The following FAM20B variants were observed in gnomAD, a reference collection of about 807,000 sequenced individuals.
FAM20B encodes the protein FAM20B glycosaminoglycan xylosylkinase, also known as glycosaminoglycan xylosylkinase.
FAM20B carries 23 observed loss-of-function variants against 43.8 expected under a neutral mutation model. The ratio of observed to expected loss-of-function variants is 0.53; its 90% confidence interval spans 0.38 to 0.74. The LOEUF (loss-of-function observed/expected upper bound fraction) is 0.74, where lower values mean the gene tolerates loss of function less well. FAM20B is among the 30% of genes least tolerant of loss of function. FAM20B has a pLI of 0.00. For missense variants in FAM20B, 440 were observed against 510.5 expected, an observed-to-expected ratio of 0.86 and a Z score of 1.33; for synonymous variants, 178 against 192.4, an observed-to-expected ratio of 0.93 and a Z score of 0.62.
At chr1:179,034,909 C>T (rs999138576) in intron 1 of FAM20B, among the ~76,000 whole-genome samples, 1 of 152,192 alleles carries the variant, frequency 6.6e-6, no homozygotes, top group South Asian at 2.1e-4. Flanking sequence ...ATTAGAAACA[C>T]AAGAAGTGAA....
intron 1 of FAM20B, among the ~76,000 whole-genome samples, chr1:179,027,958 C>A (rs61247515): frequency 0.014 from 2,177 of 152,108 alleles, 70 homozygotes; most frequent in African/African-American, 0.05. Flanking sequence ...ACTTTTAGTT[C>A]ATTCCCTTGA....
intron 2 of FAM20B, among the ~76,000 whole-genome samples, chr1:179,049,245 C>G (rs1398948895): frequency 6.6e-6 from 1 of 152,088 alleles, no homozygotes; most frequent in Non-Finnish European, 1.5e-5. Flanking sequence ...TAGAAATTAC[C>G]TCCTAGTCCA....
At chr1:179,034,126 C>T (rs990788417) in intron 1 of FAM20B, among the ~76,000 whole-genome samples, 1 of 152,210 alleles carries the variant, frequency 6.6e-6, no homozygotes, top group African/African-American at 2.4e-5. Flanking sequence ...GTGTCATCTT[C>T]ATGTCTGGCA....
At chr1:179,058,100 A>C (rs1006478026) in intron 4 of FAM20B, among the ~76,000 whole-genome samples, 1 of 152,248 alleles carries the variant, frequency 6.6e-6, no homozygotes, top group Admixed American at 6.5e-5. Context: ...ATAATATTGA[A>C]GTATAATTTC....
At chr1:179,020,964 G>A (rs79461237), upstream of FAM20B, among the ~76,000 whole-genome samples, 3,607 of 152,298 alleles carry the variant, frequency 0.024, 98 homozygotes, top group East Asian at 0.073. Flanking sequence ...ACAGCTACTC[G>A]GGAGGCTGAG....
intron 3 of FAM20B, among the ~76,000 whole-genome samples, chr1:179,053,166 A>G (rs532790328): frequency 9.2e-5 from 14 of 152,302 alleles, no homozygotes; most frequent in Non-Finnish European, 1.9e-4. Flanking sequence ...TTCTCTTGCC[A>G]GTCGCCCTGT....
chr1:179,039,961 CT>C (rs1650413933), intron 1 of FAM20B, among the ~76,000 whole-genome samples: 2 of 152,162 alleles, frequency 1.3e-5, no homozygotes, highest in Admixed American at 6.5e-5. Flanking sequence ...CTTCAAACAT[CT>C]GTTTAACAAA....
At chr1:179,063,877 G>T in intron 4 of FAM20B, 50 bp from the exon 5 acceptor site, 1 of 1,366,546 alleles carries the variant, frequency 7.3e-7, no homozygotes, top group Non-Finnish European at 1.0e-6. Flanking sequence ...GAGAGAACTT[G>T]GAGTCTTCGT....
intron 1 of FAM20B, among the ~76,000 whole-genome samples, chr1:179,036,055 A>G (rs1453850241): frequency 1.3e-5 from 2 of 152,152 alleles, no homozygotes; most frequent in African/African-American, 4.8e-5. Flanking sequence ...GCTTGAATCC[A>G]GGAGTTGGAG....
chr1:179,047,204 G>T (rs969097754), intron 2 of FAM20B, among the ~76,000 whole-genome samples: 2 of 152,158 alleles, frequency 1.3e-5, no homozygotes, highest in African/African-American at 4.8e-5. Flanking sequence ...GGTAGTAACA[G>T]ATAATGCATA....
intron 1 of FAM20B, among the ~76,000 whole-genome samples, chr1:179,040,041 G>A (rs1419893972): frequency 6.6e-6 from 1 of 152,182 alleles, no homozygotes; most frequent in African/African-American, 2.4e-5. Context: ...GAGAGCACAG[G>A]GATGGGGGCA....
intron 3 of FAM20B, among the ~76,000 whole-genome samples, chr1:179,053,353 T>G (rs1319652110): frequency 6.6e-6 from 1 of 152,116 alleles, no homozygotes; most frequent in Non-Finnish European, 1.5e-5. Flanking sequence ...AGAGGATCAC[T>G]TGAGCCCAGG....
intron 1 of FAM20B, among the ~76,000 whole-genome samples, chr1:179,042,190 A>G (rs1054222480): frequency 3.9e-5 from 6 of 152,166 alleles, no homozygotes; most frequent in Non-Finnish European, 5.9e-5. Flanking sequence ...AGCTCGTACT[A>G]CTGGCCTGGA....
chr1:179,051,973 GAAAA>G (rs749142980), intron 3 of FAM20B, among the ~76,000 whole-genome samples: 2 of 148,862 alleles, frequency 1.3e-5, no homozygotes, highest in East Asian at 2.0e-4. Context: ...AAGGAAACCA[GAAAA>G]AAAAAGGTGA....
intron 4 of FAM20B, among the ~76,000 whole-genome samples, chr1:179,056,680 T>C (rs1483421946): frequency 1.3e-5 from 2 of 152,244 alleles, no homozygotes; most frequent in African/African-American, 2.4e-5. Flanking sequence ...CTGGATCATA[T>C]AGTAAGAGTA....
upstream of FAM20B, among the ~76,000 whole-genome samples, chr1:179,025,390 G>A (rs907905639): frequency 6.6e-6 from 1 of 152,224 alleles, no homozygotes; most frequent in African/African-American, 2.4e-5. Flanking sequence ...GGAAAGGCTA[G>A]CCTTTTTCTG....
upstream of FAM20B, among the ~76,000 whole-genome samples, chr1:179,023,300 G>A (rs1649635577): frequency 6.6e-6 from 1 of 152,204 alleles, no homozygotes; most frequent in African/African-American, 2.4e-5. Context: ...ATGTGGAGAA[G>A]GTACTTCGTA....
At chr1:179,052,836 C>T (rs959008499) in intron 3 of FAM20B, among the ~76,000 whole-genome samples, 2 of 152,170 alleles carry the variant, frequency 1.3e-5, no homozygotes, top group African/African-American at 4.8e-5. Context: ...TTTTCTTCGT[C>T]CCCAACTCCC....
intron 1 of FAM20B, among the ~76,000 whole-genome samples, chr1:179,036,143 AAAGT>A (rs1459810968): frequency 1.3e-5 from 2 of 152,222 alleles, no homozygotes; most frequent in Non-Finnish European, 2.9e-5. Context: ...ATAAAAAAAG[AAAGT>A]AAGTAAATTA....
Sources: allele counts gnomAD v4.1 joint callset (sites outside exome capture counted in the v4.1 genomes callset), GRCh38; gene constraint gnomAD v4.1.1; transcripts MANE v1.5; gene names NCBI Gene and HGNC (gene_info 2026-07-23, HGNC 2026-07-21).